Variants in PAAF1 observed in about 807,000 individuals in gnomAD.
PAAF1 encodes the protein proteasomal ATPase-associated factor 1.
PAAF1 carries 46 observed loss-of-function variants against 52.8 expected under a neutral mutation model. That is an observed-to-expected ratio of 0.87 (90% CI 0.69 to 1.11). PAAF1 has a LOEUF of 1.11. PAAF1 is among the 50% of genes most tolerant of loss of function. The pLI is 0.00. For missense variants in PAAF1, 424 were observed against 477.4 expected (o/e 0.89, Z 1.04); for synonymous variants, 178 against 172.8 (o/e 1.03, Z -0.24).
In PAAF1 at chr11:73,886,940, A is replaced by G. The variant is rs1484840874; in HGVS notation, c.89-414A>G. The G allele has an allele frequency of 2.8e-5, 11 of 398,780 alleles. 1 individual carries two copies. In the Middle Eastern group the frequency reaches 6.0e-3, roughly 218 times the overall value. 24.7% of individuals were successfully genotyped at this position (398,780 alleles called of 1,614,324 possible). On this transcript the variant is annotated intron_variant, in intron 2 of 11. Transcript: ENST00000310571. ...CTTTCCTGAGAAAGCTGATTGTTAA[A>G]AAGATCCTGGCATCTCCCTTCTCTC...
intron 4 of PAAF1, among the ~76,000 whole-genome samples, chr11:73,896,623 A>G (rs1289328149): frequency 6.6e-6 from 1 of 152,070 alleles, no homozygotes; most frequent in East Asian, 1.9e-4. Context: ...GGGTAAGGTC[A>G]CCGATCAACA....
At chr11:73,899,061 G>GA (rs1949517852) in intron 4 of PAAF1, 85 bp from the exon 5 acceptor site, 1 of 1,101,088 alleles carries the variant, frequency 9.1e-7, no homozygotes, top group Non-Finnish European at 1.3e-6. Context: ...TTGGAAGAGT[G>GA]AAAAAAGGGA....
chr11:73,889,199 A>G, intron 3 of PAAF1: 1 of 1,501,960 alleles, frequency 6.7e-7, no homozygotes, highest in Non-Finnish European at 8.9e-7. Context: ...ATCACTTCAA[A>G]CATGATTGCT....
At chr11:73,925,448 A>G (rs1950329490) in intron 11 of PAAF1, among the ~76,000 whole-genome samples, 1 of 150,406 alleles carries the variant, frequency 6.6e-6, no homozygotes, top group Non-Finnish European at 1.5e-5. Flanking sequence ...TCTGGGCAAC[A>G]GAGTGAGACC....
chr11:73,927,440 C>G lies in PAAF1; in HGVS notation c.*78C>G. On this transcript the variant is annotated 3_prime_UTR_variant, in exon 12 of 12. Transcript: ENST00000310571. The stretch of plus-strand genomic sequence containing the variant: ...ATGAGCAGAAACATCATCAGTCCTT[C>G]CCAAGGACCATGGCGTTTAATGTCT... 1 of 1,220,804 alleles carries G rather than the reference C, an allele frequency of 8.2e-7. No homozygotes were observed. Among genetic ancestry groups the G allele is most frequent in the Non-Finnish European group, 1.2e-6 (1 of 832,954 alleles). 75.6% of individuals were successfully genotyped at this position (1,220,804 alleles called of 1,614,324 possible). A position where few individuals can be genotyped will look rare whatever the true frequency, so the allele number is the denominator to read the frequency against.
intron 2 of PAAF1, chr11:73,886,945 TC>T (rs1487509604): frequency 2.0e-5 from 8 of 401,740 alleles, no homozygotes; most frequent in Admixed American, 8.5e-5. Flanking sequence ...GTTAAAAAGA[TC>T]CTGGCATCTC....
rs1445271355 is a variant in PAAF1 at position 73,891,214 on chromosome 11, A to G, written c.282+13A>G. 1.4e-6 allele frequency: 2 copies of G among 1,455,392 alleles called. No individual in the cohort carries two copies. Among genetic ancestry groups the G allele is most frequent in the Non-Finnish European group, 1.9e-6 (2 of 1,046,678 alleles). 90.2% of individuals were successfully genotyped at this position (1,455,392 alleles called of 1,614,324 possible). A position where few individuals can be genotyped will look rare whatever the true frequency, so the allele number is the denominator to read the frequency against. On this transcript the variant is annotated intron_variant, in intron 4 of 11. Coordinates refer to ENST00000310571, the MANE Select transcript of PAAF1 (RefSeq NM_025155.3). ...TCATACAAAGAGTGTAAGTATTTTG[A>G]TAAAATGAAGAGAAAATGTAATAGC...
chr11:73,885,740 G>A (rs1461857265), intron 2 of PAAF1, among the ~76,000 whole-genome samples: 1 of 151,592 alleles, frequency 6.6e-6, no homozygotes, highest in African/African-American at 2.4e-5. Context: ...TACTTGGGAG[G>A]CTGAGTCATG....
intron 5 of PAAF1, 115 bp downstream of exon 5, chr11:73,899,359 T>C (rs1949527321): frequency 3.1e-6 from 2 of 655,180 alleles, no homozygotes; most frequent in Admixed American, 5.5e-5. Flanking sequence ...CCACTCTGCA[T>C]GTCAGTTGAT....
rs537646982 is a variant in PAAF1 at position 73,897,680 on chromosome 11, G to T, written c.283-1466G>T. On this transcript the variant is annotated intron_variant, in intron 4 of 11. Coordinates refer to ENST00000310571, the MANE Select transcript of PAAF1 (RefSeq NM_025155.3). ...TCCAGACTGGGCGGCCGGGCAGAGA[G>T]GCTCCTCACTTTCCAGACTGGGCAG... Among the ~76,000 whole-genome samples, 648 of 150,290 alleles carry T rather than the reference G, an allele frequency of 4.3e-3. 3 individuals are homozygous for T. Among genetic ancestry groups the T allele is most frequent in the Non-Finnish European group, 7.1e-3 (484 of 67,700 alleles).
intron 10 of PAAF1, among the ~76,000 whole-genome samples, 182 bp from the exon 11 acceptor site, chr11:73,924,433 C>T (rs181093207): frequency 3.0e-4 from 46 of 152,026 alleles, no homozygotes; most frequent in African/African-American, 1.0e-3. Flanking sequence ...GCAAAAAGAA[C>T]GAAACTCTGT....
intron 11 of PAAF1, among the ~76,000 whole-genome samples, chr11:73,925,739 C>G (rs1246791145): frequency 6.6e-6 from 1 of 152,032 alleles, no homozygotes; most frequent in African/African-American, 2.4e-5. Context: ...ATCTTTGTTA[C>G]TATTTGTTGA....
chr11:73,890,629 C>T (rs529784822), intron 3 of PAAF1, among the ~76,000 whole-genome samples: 6 of 152,290 alleles, frequency 3.9e-5, no homozygotes, highest in Non-Finnish European at 7.4e-5. Context: ...AGTAGTCTAA[C>T]ATTCTCTCTA....
Position 73,922,986 on chromosome 11 carries a change from A to G in PAAF1, c.1019-1629A>G, listed in dbSNP as rs536417737. Among the ~76,000 whole-genome samples the G allele has an allele frequency of 2.0e-5, 3 of 152,242 alleles. No homozygotes were observed. The East Asian group carries it at 5.8e-4, about 29-fold the overall frequency. ...AAAAGTAGACAGAATGGCACGATGAACCTGTTATACCCATTATCCAACTTA... is the reference window on the plus strand; with the variant it reads ...AAAAGTAGACAGAATGGCACGATGAGCCTGTTATACCCATTATCCAACTTA... On this transcript the variant is annotated intron_variant, in intron 10 of 11. Coordinates refer to ENST00000310571, the MANE Select transcript of PAAF1 (RefSeq NM_025155.3).
chr11:73,891,271 G>A lies in PAAF1; in HGVS notation c.282+70G>A, dbSNP rs890261399. On this transcript the variant is annotated intron_variant, in intron 4 of 11. Coordinates refer to ENST00000310571, the MANE Select transcript of PAAF1 (RefSeq NM_025155.3). ...ATTTTTCATTTTATTTGCTTGTCTA[G>A]TGCTATAAACATATTCATAATTAAT... is the stretch of plus-strand genomic sequence containing the variant. 10 of 860,406 alleles carry A rather than the reference G, an allele frequency of 1.2e-5. No individual in the cohort carries two copies. The African/African-American group carries it at 1.7e-4, about 15-fold the overall frequency. The allele number at this position is 860,406 out of a possible 1,614,324, so 53.3% of individuals were successfully genotyped here.
chr11:73,892,325 C>CAAA (rs150332375), intron 4 of PAAF1, among the ~76,000 whole-genome samples: 1 of 81,808 alleles, frequency 1.2e-5, no homozygotes, highest in Non-Finnish European at 2.6e-5. Context: ...ACTGTCTCAC[C>CAAA]AAAAAAAAAA....
At chr11:73,920,589 A>G (rs1237080759) in intron 10 of PAAF1, among the ~76,000 whole-genome samples, 4 of 152,150 alleles carry the variant, frequency 2.6e-5, no homozygotes, top group Non-Finnish European at 5.9e-5. Context: ...GTGGTGGCTC[A>G]CACCTGTAAT....
Position 73,890,720 on chromosome 11 carries a change from T to G in PAAF1, c.193-392T>G, listed in dbSNP as rs180784687. 5.4e-4 allele frequency among the ~76,000 whole-genome samples: 82 copies of G among 152,350 alleles called. 1 individual carries two copies. Among genetic ancestry groups the G allele is most frequent in the African/African-American group, 1.9e-3 (81 of 41,578 alleles). ...TGGGGGATGGTGTTGAAGAGTTTCC[T>G]TATATCTCTTTATGTCCTCTTCGCA... On this transcript the variant is annotated intron_variant, in intron 3 of 11. Transcript: ENST00000310571.
chr11:73,877,134 G>A (rs1948764083), intron 1 of PAAF1, 66 bp downstream of exon 1: 6 of 1,438,968 alleles, frequency 4.2e-6, no homozygotes, highest in African/African-American at 2.9e-5. Flanking sequence ...GTCAAGGAGA[G>A]CCATGCCTGG....
Sources: allele counts gnomAD v4.1 joint callset (sites outside exome capture counted in the v4.1 genomes callset), GRCh38; gene constraint gnomAD v4.1.1; transcripts MANE v1.5; gene names NCBI Gene and HGNC (gene_info 2026-07-23, HGNC 2026-07-21).